The following GAPVD1 variants were observed in gnomAD, a reference collection of about 807,000 sequenced individuals.
GAPVD1 encodes the protein GTPase activating protein and VPS9 domains 1, also known as GTPase-activating protein and VPS9 domain-containing protein 1.
In GAPVD1, 35 loss-of-function variants were observed where a neutral mutation model predicts 155.5. The observed-to-expected ratio is 0.23, with a 90% CI of 0.17 to 0.30. GAPVD1 has a LOEUF of 0.30. Ranked by LOEUF, GAPVD1 falls within the 10% of genes least tolerant of loss-of-function variation. The pLI is 1.00. For missense variants in GAPVD1, 1,429 were observed against 1,775.7 expected, an observed-to-expected ratio of 0.80 and a Z score of 3.51; for synonymous variants, 636 against 619.7, an observed-to-expected ratio of 1.03 and a Z score of -0.39.
intron 2 of GAPVD1, among the ~76,000 whole-genome samples, chr9:125,288,258 C>T (rs1838037005): frequency 6.6e-6 from 1 of 151,692 alleles, no homozygotes; most frequent in South Asian, 2.1e-4. Flanking sequence ...TTTATAGGCG[C>T]GCACCACCAC....
chr9:125,310,894 C>G (rs1842585311), intron 8 of GAPVD1, among the ~76,000 whole-genome samples: 1 of 149,906 alleles, frequency 6.7e-6, no homozygotes. Context: ...GGCTGGAGTG[C>G]AATACTGCGA....
At chr9:125,334,500 A>G (rs572812158) in intron 15 of GAPVD1, among the ~76,000 whole-genome samples, 26 of 152,268 alleles carry the variant, frequency 1.7e-4, no homozygotes, top group African/African-American at 5.8e-4. Context: ...GTTTCTCCTT[A>G]TTTTTATTTG....
intron 17 of GAPVD1, 49 bp downstream of exon 17, chr9:125,337,640 C>T: frequency 6.7e-7 from 1 of 1,485,502 alleles, no homozygotes; most frequent in South Asian, 1.3e-5. Context: ...CTGCCTAGTT[C>T]TCTTGATATC....
chr9:125,306,766 T>C (rs1470052415), intron 6 of GAPVD1, among the ~76,000 whole-genome samples: 1 of 152,222 alleles, frequency 6.6e-6, no homozygotes, highest in African/African-American at 2.4e-5. Context: ...GTGCTGGGAT[T>C]GCAGGCATGC....
chr9:125,337,464 G>T lies in GAPVD1; in HGVS notation c.2750G>T (p.Ser917Ile). The stretch of plus-strand genomic sequence containing the variant: ...GTCCGGAGACCCATGAGTGACCCCA[G>T]CTGGAACCGGCGTCCAGGAAATGAA... ...SSVRRPMSDPSWNRRPGNEER... is the reference protein window; with the variant it reads ...SSVRRPMSDPIWNRRPGNEER... Residue 917 changes from serine to isoleucine, a missense_variant, in exon 17 of 28, where the codon AGC becomes ATC. Coordinates refer to ENST00000297933, the MANE Select transcript of GAPVD1 (RefSeq NM_001282680.3). 3 of 1,614,192 alleles carry T rather than the reference G, an allele frequency of 1.9e-6. No homozygotes were observed. The highest frequency in any genetic ancestry group is 2.5e-6 in the Non-Finnish European group (3 of 1,180,026).
rs150538699 is a variant in GAPVD1, at chr9:125,302,183, T to C, written c.386T>C (p.Ile129Thr). 1 of 1,613,762 alleles carries C rather than the reference T, an allele frequency of 6.2e-7. No homozygotes were observed. The highest frequency in any genetic ancestry group is 8.5e-7 in the Non-Finnish European group (1 of 1,179,850). ...KLNQENTQSV[I>T]YTVFTSLYGN... ...AATCAGGAGAACACACAAAGTGTTA[T>C]TTACACAGTTTTTACCTCCCTGTAT... is the stretch of plus-strand genomic sequence containing the variant. Residue 129 changes from isoleucine (I) to threonine (T), a missense_variant, in exon 5 of 28, where the codon ATT becomes ACT. Ile to Thr is a moderately conservative substitution (Grantham distance 89). Transcript: ENST00000297933.
chr9:125,342,374 A>G, intron 19 of GAPVD1, 75 bp downstream of exon 19: 5 of 842,434 alleles, frequency 5.9e-6, no homozygotes, highest in South Asian at 5.4e-5. Context: ...CTTGGGTGCC[A>G]TAAGCGTTGC....
At chr9:125,335,348 CT>C in intron 15 of GAPVD1, 2 of 500,070 alleles carry the variant, frequency 4.0e-6, no homozygotes, top group Non-Finnish European at 7.2e-6. Flanking sequence ...ATTTTTAATG[CT>C]TTTTTGTGTT....
At chr9:125,318,236 C>G (rs1843738083) in intron 9 of GAPVD1, among the ~76,000 whole-genome samples, 1 of 152,230 alleles carries the variant, frequency 6.6e-6, no homozygotes, top group South Asian at 2.1e-4. Context: ...ATCTGCCCAC[C>G]TCAGCCTCCC....
intron 27 of GAPVD1, among the ~76,000 whole-genome samples, chr9:125,361,825 C>T (rs1850955310): frequency 6.6e-6 from 1 of 152,144 alleles, no homozygotes; most frequent in Non-Finnish European, 1.5e-5. Flanking sequence ...AGTTTGGGTG[C>T]ACACAGCCAC....
At chr9:125,340,014 G>A (rs1195066275) in intron 17 of GAPVD1, among the ~76,000 whole-genome samples, 1 of 152,062 alleles carries the variant, frequency 6.6e-6, no homozygotes, top group African/African-American at 2.4e-5. Flanking sequence ...CCTTTGGCCT[G>A]TTTTTTGTTT....
chr9:125,354,977 T>C, intron 24 of GAPVD1, 136 bp downstream of exon 24: 1 of 549,442 alleles, frequency 1.8e-6, no homozygotes, highest in Non-Finnish European at 3.2e-6. Context: ...GGAATCTTAA[T>C]AAATTAAACT....
In GAPVD1 at chr9:125,332,412, A is replaced by G. The variant is rs79564903; in HGVS notation, c.2309-98A>G. On this transcript the variant is annotated intron_variant, in intron 14 of 27. Transcript: ENST00000297933. ...ACTCACATGTATAGAACTGGGACACAAAATTCGAGAATGTTTCAGTTTCTC... is the reference window on the plus strand; with the variant it reads ...ACTCACATGTATAGAACTGGGACACGAAATTCGAGAATGTTTCAGTTTCTC... 1,206 of 997,216 alleles carry G rather than the reference A, an allele frequency of 1.2e-3. 13 individuals are homozygous for G. The African/African-American group carries it at 0.017, about 14-fold the overall frequency. The allele number at this position is 997,216 out of a possible 1,614,324, so 61.8% of individuals were successfully genotyped here. A position where few individuals can be genotyped will look rare whatever the true frequency, so the allele number is the denominator to read the frequency against.
At position 125,363,617 on chromosome 9, in the gene GAPVD1, T is replaced by C. The variant is rs994374910; in HGVS notation, c.*871T>C. On this transcript the variant is annotated 3_prime_UTR_variant, in exon 28 of 28. Coordinates refer to ENST00000297933, the MANE Select transcript of GAPVD1 (RefSeq NM_001282680.3). ...TGGATAGCTCATACTTTATGGTGGT[T>C]CTTCTCCTCCGAAATAATATACTGC... The C allele has an allele frequency of 2.6e-5, 4 of 152,550 alleles. No individual in the cohort carries two copies. The highest frequency in any genetic ancestry group is 4.4e-5 in the Non-Finnish European group (3 of 68,030). 9.4% of individuals were successfully genotyped at this position (152,550 alleles called of 1,614,324 possible).
At chr9:125,337,132 A>G (rs1403787864) in intron 16 of GAPVD1, 37 bp downstream of exon 16, 1 of 1,594,612 alleles carries the variant, frequency 6.3e-7, no homozygotes, top group East Asian at 2.2e-5. Context: ...CTTATGTCAC[A>G]GACAGGAGGA....
chr9:125,334,854 G>A (rs1846650168), intron 15 of GAPVD1, among the ~76,000 whole-genome samples: 1 of 152,134 alleles, frequency 6.6e-6, no homozygotes, highest in Non-Finnish European at 1.5e-5. Context: ...CTAATAGAGT[G>A]GAGTTTGTTG....
At chr9:125,278,445 T>C (rs1051358115) in intron 2 of GAPVD1, among the ~76,000 whole-genome samples, 3 of 152,034 alleles carry the variant, frequency 2.0e-5, no homozygotes, top group Admixed American at 2.0e-4. Context: ...CACTTGAACC[T>C]GGGAGGCGGA....
chr9:125,279,717 G>T (rs1365135000), intron 2 of GAPVD1, among the ~76,000 whole-genome samples: 1 of 150,484 alleles, frequency 6.6e-6, no homozygotes, highest in African/African-American at 2.4e-5. Flanking sequence ...TAACATCATG[G>T]TTTTTCCCAA....
intron 9 of GAPVD1, among the ~76,000 whole-genome samples, chr9:125,314,578 C>T (rs1391576458): frequency 8.6e-5 from 13 of 151,786 alleles, no homozygotes; most frequent in African/African-American, 1.5e-4. Flanking sequence ...CGCTTGAACC[C>T]GGGACGTGGA....
Sources: allele counts gnomAD v4.1 joint callset (sites outside exome capture counted in the v4.1 genomes callset), GRCh38; gene constraint gnomAD v4.1.1; transcripts MANE v1.5; gene names NCBI Gene and HGNC (gene_info 2026-07-23, HGNC 2026-07-21).